Variants in ELFN2 observed in about 807,000 individuals in gnomAD.
ELFN2 encodes protein phosphatase 1 regulatory subunit 29.
ELFN2 carries 17 observed loss-of-function variants against 45.5 expected under a neutral mutation model. The observed-to-expected ratio is 0.37, with a 90% CI of 0.26 to 0.56. ELFN2 has a LOEUF of 0.56. Ranked by LOEUF, ELFN2 falls within the 20% of genes least tolerant of loss-of-function variation. The pLI is 0.77. For synonymous variants in ELFN2, 550 were observed against 551.5 expected (o/e 1.00, Z 0.04); for missense variants, 922 against 1,183.2 (o/e 0.78, Z 3.24).
chr22:37,356,662 G>A (rs1041106597), intron 1 of ELFN2, among the ~76,000 whole-genome samples: 3 of 152,250 alleles, frequency 2.0e-5, no homozygotes, highest in East Asian at 1.9e-4. Flanking sequence ...CTCTGCATGG[G>A]GCACTGTTCT....
At chr22:37,346,487 T>G (rs1186933999) in intron 1 of ELFN2, among the ~76,000 whole-genome samples, 2 of 151,924 alleles carry the variant, frequency 1.3e-5, no homozygotes, top group African/African-American at 4.8e-5. Flanking sequence ...TTATTTCTCC[T>G]TGAAACCGCT....
intron 2 of ELFN2, among the ~76,000 whole-genome samples, chr22:37,394,233 G>C (rs963190335): frequency 6.6e-6 from 1 of 152,058 alleles, no homozygotes; most frequent in African/African-American, 2.4e-5. Context: ...CCACACACCT[G>C]TGTGTCTGCT....
intron 1 of ELFN2, among the ~76,000 whole-genome samples, chr22:37,349,465 C>A (rs1601731642): frequency 1.3e-5 from 2 of 151,388 alleles, no homozygotes; most frequent in South Asian, 4.1e-4. Flanking sequence ...CCCAGGGGCC[C>A]TGCCCACACC....
chr22:37,396,118 C>T (rs536347376), intron 2 of ELFN2, among the ~76,000 whole-genome samples: 53 of 152,336 alleles, frequency 3.5e-4, no homozygotes, highest in African/African-American at 1.2e-3. Context: ...CCGTGGAAAA[C>T]ACAAAGACAA....
rs576879607 is a variant in ELFN2 at position 37,423,677 on chromosome 22, T to G, written c.-614+3621A>C. Among the ~76,000 whole-genome samples the G allele has an allele frequency of 4.6e-5, 7 of 152,224 alleles. No homozygotes were observed. In the South Asian group the frequency reaches 6.2e-4, roughly 14 times the overall value. ...GGCTCAATAATATTAGCTGATATCA[T>G]TATTATTATTATCACTATAGTTATT... On this transcript the variant is annotated intron_variant, in intron 1 of 2. Transcript: ENST00000402918.
At chr22:37,379,245 C>T (rs944014132) in intron 2 of ELFN2, among the ~76,000 whole-genome samples, 3 of 152,130 alleles carry the variant, frequency 2.0e-5, no homozygotes, top group South Asian at 2.1e-4. Context: ...GCTTCCCTCC[C>T]GCAGCCCAGA....
chr22:37,349,184 G>A (rs562029547), intron 1 of ELFN2, among the ~76,000 whole-genome samples: 3 of 151,348 alleles, frequency 2.0e-5, no homozygotes, highest in Admixed American at 6.6e-5. Flanking sequence ...GGAGGCCTGG[G>A]TGCAGATCCC....
At position 37,374,307 on chromosome 22, in the gene ELFN2, T is replaced by C. The variant is rs367835069; in HGVS notation, c.1228A>G (p.Ile410Val). 38 of 1,613,802 alleles carry C rather than the reference T, an allele frequency of 2.4e-5. No homozygotes were observed. The highest frequency in any genetic ancestry group is 3.0e-5 in the Non-Finnish European group (35 of 1,179,946). Reference protein sequence around the residue: ...TILGCLFGMVIVLGAVYYCLR... With the variant: ...TILGCLFGMVVVLGAVYYCLR... ...CAGTAGTACACGGCTCCCAGCACGA[T>C]AACCATGCCAAAGAGGCAGCCCAGG... The change falls in exon 3 of 3, where the codon ATC becomes GTC. Residue 410 changes from isoleucine to valine, a missense_variant. Coordinates refer to ENST00000402918, the MANE Select transcript of ELFN2 (RefSeq NM_052906.5).
chr22:37,412,277 CAAAAAAAAAAAAAA>C (rs56073200), intron 2 of ELFN2, among the ~76,000 whole-genome samples: 6 of 92,306 alleles, frequency 6.5e-5, no homozygotes, highest in East Asian at 2.9e-4. Context: ...AACTCCGTCT[CAAAAAAAAAAAAAA>C]AAAAGAAAGA....
chr22:37,400,773 G>A (rs908698664), intron 2 of ELFN2, among the ~76,000 whole-genome samples: 1 of 152,202 alleles, frequency 6.6e-6, no homozygotes, highest in Non-Finnish European at 1.5e-5. Flanking sequence ...AGTCCATGCC[G>A]GACACAGGCC....
Position 37,375,300 on chromosome 22 carries a change from C to A in ELFN2, c.235G>T (p.Gly79Trp). Residue 79 changes from glycine to tryptophan, a missense_variant, in exon 3 of 3, where the codon GGG (glycine) becomes TGG (tryptophan). Transcript: ENST00000402918. The stretch of plus-strand genomic sequence containing the variant: ...GTGAGGTTGAGGTCGGTGAGGTTCC[C>A]AAAGCGGTTGAGCGAGGAGTAGAGC... ...AVLYSSLNRFGNLTDLNLTKN... is the reference protein window; with the variant it reads ...AVLYSSLNRFWNLTDLNLTKN... 1 of 1,614,070 alleles carries A rather than the reference C, an allele frequency of 6.2e-7. No individual in the cohort carries two copies. The highest frequency in any genetic ancestry group is 8.5e-7 in the Non-Finnish European group (1 of 1,180,004).
intron 1 of ELFN2, among the ~76,000 whole-genome samples, chr22:37,358,982 G>C (rs73164589): frequency 1.3e-5 from 2 of 152,076 alleles, no homozygotes; most frequent in Non-Finnish European, 2.9e-5. Context: ...ACTGGGGGCC[G>C]CTGGGCTATC....
At chr22:37,376,289 G>A (rs529143723) in intron 2 of ELFN2, among the ~76,000 whole-genome samples, 20 of 152,144 alleles carry the variant, frequency 1.3e-4, no homozygotes, top group Admixed American at 1.2e-3. Flanking sequence ...GGTGAGCACA[G>A]GTGCAGACAC....
chr22:37,372,888 T>G lies in ELFN2; in HGVS notation c.*184A>C. 1 of 608,644 alleles carries G rather than the reference T, an allele frequency of 1.6e-6. No homozygotes were observed. The allele number at this position is 608,644 out of a possible 1,614,324, so 37.7% of individuals were successfully genotyped here. On this transcript the variant is annotated 3_prime_UTR_variant, in exon 3 of 3. Coordinates refer to ENST00000402918, the MANE Select transcript of ELFN2 (RefSeq NM_052906.5). This position sits in a 1 kb window ranked among gnomAD's most constrained non-coding sequence, Gnocchi z 4.4. ...TGTTTTCCTGTCCGTTATTGTCGGA[T>G]GTTGGTTTGTTCACAGTCGGGTGGT...
chr22:37,359,730 C>A (rs1271317288), intron 1 of ELFN2, among the ~76,000 whole-genome samples: 1 of 152,180 alleles, frequency 6.6e-6, no homozygotes, highest in African/African-American at 2.4e-5. Flanking sequence ...GCAGACGAGC[C>A]CCAGACTTGG....
chr22:37,387,704 G>GT (rs1475429113), intron 2 of ELFN2, among the ~76,000 whole-genome samples: 26 of 151,914 alleles, frequency 1.7e-4, no homozygotes, highest in African/African-American at 6.3e-4. Flanking sequence ...GCGGCCCCTC[G>GT]GGCTCCTCTG....
chr22:37,348,811 G>C (rs1018916890), intron 1 of ELFN2, among the ~76,000 whole-genome samples: 2 of 150,730 alleles, frequency 1.3e-5, no homozygotes, highest in African/African-American at 2.4e-5. Flanking sequence ...GCCGGACGCT[G>C]CCAGCAGGGC....
chr22:37,400,644 C>T (rs1389677128), intron 2 of ELFN2, among the ~76,000 whole-genome samples: 1 of 152,240 alleles, frequency 6.6e-6, no homozygotes, highest in Non-Finnish European at 1.5e-5. Flanking sequence ...GGCACGCCTG[C>T]TGGGAGCAGC....
chr22:37,412,011 G>C lies in ELFN2; in HGVS notation c.-463+5758C>G, dbSNP rs114275435. Reference sequence around the variant, plus strand: ...TCTTCCCAGAGCTCTTGGAACCTCCGCTCAGAGGACCATCTCTCCTCCGAC... The same window carrying C: ...TCTTCCCAGAGCTCTTGGAACCTCCCCTCAGAGGACCATCTCTCCTCCGAC... On this transcript the variant is annotated intron_variant, in intron 2 of 2. Transcript: ENST00000402918. 3.3e-5 allele frequency among the ~76,000 whole-genome samples: 5 copies of C among 151,734 alleles called. No individual in the cohort carries two copies. The South Asian group carries it at 8.3e-4, about 25-fold the overall frequency.
Sources: gnomAD v4.1 joint callset for allele counts (sites outside exome capture counted in the v4.1 genomes callset) on GRCh38, gnomAD v4.1.1 for gene constraint, Gnocchi (gnomAD v3.1) non-coding constraint, MANE v1.5 for transcripts, NCBI Gene and HGNC (gene_info 2026-07-23, HGNC 2026-07-21) for gene names.